KCTD1: variants seen among roughly 807,000 people sequenced by gnomAD.
KCTD1 encodes potassium channel tetramerization domain containing 1.
A neutral mutation model predicts 66.0 loss-of-function variants in KCTD1; 24 were observed. The ratio of observed to expected loss-of-function variants is 0.36; its 90% CI spans 0.26 to 0.51. KCTD1 has a LOEUF of 0.51. Among genes scored for constraint, KCTD1 ranks in the 20% least tolerant of loss-of-function variants. The probability of loss-of-function intolerance (pLI) is 0.95; values close to 1 mark genes in which losing one functional copy is unlikely to be tolerated. For synonymous variants in KCTD1, 511 were observed against 517.2 expected (o/e 0.99, Z 0.16); for missense variants, 943 against 1,205.2 (o/e 0.78, Z 3.22).
chr18:26,480,458 A>G (rs1436388881), intron 2 of KCTD1, among the ~76,000 whole-genome samples: 1 of 152,218 alleles, frequency 6.6e-6, no homozygotes, highest in Admixed American at 6.5e-5. Context: ...ATTCCACTCA[A>G]TATTAGCTTT....
chr18:26,640,134 T>C (rs1272648112), intron 1 of KCTD1, among the ~76,000 whole-genome samples: 1 of 151,868 alleles, frequency 6.6e-6, no homozygotes, highest in Non-Finnish European at 1.5e-5. Flanking sequence ...AGAGGGTAGA[T>C]GAGTAAGTGT....
chr18:26,557,752 G>A (rs1362555946), intron 1 of KCTD1, among the ~76,000 whole-genome samples: 1 of 152,248 alleles, frequency 6.6e-6, no homozygotes, highest in African/African-American at 2.4e-5. Flanking sequence ...AATGCAAGTT[G>A]TGAAACCTCT....
intron 3 of KCTD1, among the ~76,000 whole-genome samples, chr18:26,472,794 C>T (rs1380181761): frequency 6.6e-6 from 1 of 152,246 alleles, no homozygotes; most frequent in Non-Finnish European, 1.5e-5. Flanking sequence ...GTGGCAAGCA[C>T]CTGCTTTCTA....
chr18:26,555,483 G>T (rs564484662), intron 1 of KCTD1, among the ~76,000 whole-genome samples: 1 of 152,156 alleles, frequency 6.6e-6, no homozygotes, highest in Non-Finnish European at 1.5e-5. Context: ...CAATTATTAG[G>T]CAACGTCTTC....
At chr18:26,528,864 C>CT (rs1408869672) in intron 1 of KCTD1, among the ~76,000 whole-genome samples, 1 of 152,168 alleles carries the variant, frequency 6.6e-6, no homozygotes, top group East Asian at 1.9e-4. Flanking sequence ...GCCGGCAACA[C>CT]TTTTTTTGCT....
chr18:26,562,189 TTCTC>T (rs1217150932), intron 1 of KCTD1, among the ~76,000 whole-genome samples: 1 of 152,086 alleles, frequency 6.6e-6, no homozygotes, highest in Non-Finnish European at 1.5e-5. Context: ...TTCTCACTCT[TTCTC>T]AGGCTCCACT....
intron 1 of KCTD1, among the ~76,000 whole-genome samples, chr18:26,523,075 A>AT (rs950323973): frequency 1.3e-3 from 192 of 151,716 alleles, no homozygotes; most frequent in African/African-American, 4.1e-3. Context: ...CAAAAATTAC[A>AT]TTTTTTTTTC....
chr18:26,657,384 C>G (rs1187970989), exon 1 of KCTD1: 1 of 985,628 alleles, frequency 1.0e-6, no homozygotes, highest in East Asian at 1.1e-4. Flanking sequence ...CACAAAGTCT[C>G]TCTCCAAGTC....
chr18:26,593,501 GGAAGAT>G (rs1215060581), intron 1 of KCTD1, among the ~76,000 whole-genome samples: 102 of 86,534 alleles, frequency 1.2e-3, no homozygotes, highest in South Asian at 1.8e-3. Flanking sequence ...AGGAGGAGGA[GGAAGAT>G]GAGGAGGAGG....
At chr18:26,535,491 C>T (rs1598925207) in intron 1 of KCTD1, among the ~76,000 whole-genome samples, 1 of 150,794 alleles carries the variant, frequency 6.6e-6, no homozygotes, top group African/African-American at 2.5e-5. Context: ...GCAAGTCAAC[C>T]TAAGACTGTA....
chr18:26,497,217 T>G (rs564314379), intron 2 of KCTD1, among the ~76,000 whole-genome samples: 31 of 152,308 alleles, frequency 2.0e-4, no homozygotes, highest in African/African-American at 7.2e-4. Context: ...TAAGGTCACT[T>G]GTTACATACA....
chr18:26,464,285 G>A (rs982408160), intron 3 of KCTD1, among the ~76,000 whole-genome samples: 1 of 152,212 alleles, frequency 6.6e-6, no homozygotes, highest in African/African-American at 2.4e-5. Context: ...CAGAGGCTGC[G>A]AGAATTCCTT....
chr18:26,599,690 A>C, intron 1 of KCTD1: 3 of 1,502,452 alleles, frequency 2.0e-6, no homozygotes, highest in Admixed American at 1.7e-5. Flanking sequence ...TCTTTTTCTG[A>C]AAGAGCCAGT....
intron 1 of KCTD1, among the ~76,000 whole-genome samples, chr18:26,574,258 C>T (rs17679778): frequency 0.019 from 2,882 of 152,338 alleles, 44 homozygotes; most frequent in Non-Finnish European, 0.032. Context: ...TATAAACACA[C>T]GGCTCCTTTT....
At position 26,484,279 on chromosome 18, in the gene KCTD1, C is replaced by G. The variant is rs545858079; in HGVS notation, c.1989-7620G>C. Among the ~76,000 whole-genome samples, 48 of 152,176 alleles carry G rather than the reference C, an allele frequency of 3.2e-4. 1 individual carries two copies. The highest frequency in any genetic ancestry group is 1.2e-3 in the African/African-American group (48 of 41,504). ...TTTAAGAGAAGGGGGAAAATACCTT[C>G]TAAGTAAAAACAAACAAAACAAATT... is the stretch of plus-strand genomic sequence containing the variant. On this transcript the variant is annotated intron_variant, in intron 2 of 4. Coordinates refer to ENST00000580059, the MANE Select transcript of KCTD1 (RefSeq NM_001142730.3).
Position 26,556,365 on chromosome 18 carries a change from T to C in KCTD1, c.-15-55115A>G, listed in dbSNP as rs114206960. 3.9e-3 allele frequency among the ~76,000 whole-genome samples: 600 copies of C among 152,276 alleles called. 2 individuals carry two copies. The highest frequency in any genetic ancestry group is 0.014 in the African/African-American group (563 of 41,548). The stretch of plus-strand genomic sequence containing the variant: ...CACCATTCTTCATGTTTAGTCTTCC[T>C]ACAGCCTGTCCCTGGATTAGGATAC... On this transcript the variant is annotated intron_variant, in intron 1 of 4. Transcript: ENST00000317932.
chr18:26,459,623 G>T lies in KCTD1; in HGVS notation c.2436C>A (p.Val812=). The T allele has an allele frequency of 6.3e-7, 1 of 1,589,106 alleles. No homozygotes were observed. Among genetic ancestry groups the T allele is most frequent in the Non-Finnish European group, 8.6e-7 (1 of 1,164,712 alleles). The change falls in exon 4 of 5, where the codon GTC becomes GTA. Residue 812 remains valine (V), a synonymous_variant. Coordinates refer to ENST00000580059, the MANE Select transcript of KCTD1 (RefSeq NM_001142730.3). ...ACAGTGCGTAACAATGCTATACCTG[G>T]ACTGAGTTGAGGTGACAGTAGCCAT... ...PLNGYCHLNS[V]QVLERLQQRG... is the part of the protein sequence containing the mutation.
intron 1 of KCTD1, among the ~76,000 whole-genome samples, chr18:26,607,957 G>A (rs945699404): frequency 5.9e-5 from 9 of 152,068 alleles, no homozygotes; most frequent in Non-Finnish European, 1.2e-4. Flanking sequence ...TGTTTGTAGA[G>A]TTGGGGTCTC....
intron 1 of KCTD1, among the ~76,000 whole-genome samples, chr18:26,574,090 C>A (rs1986170370): frequency 6.6e-6 from 1 of 152,196 alleles, no homozygotes; most frequent in Non-Finnish European, 1.5e-5. Context: ...CTGGTCAGAT[C>A]CCTCTTTCCA....
Sources: allele counts gnomAD v4.1 joint callset (sites outside exome capture counted in the v4.1 genomes callset), GRCh38; gene constraint gnomAD v4.1.1; transcripts MANE v1.5; gene names NCBI Gene and HGNC (gene_info 2026-07-23, HGNC 2026-07-21).